The following MRE11 variants were observed in gnomAD, a reference collection of about 807,000 sequenced individuals.
The protein encoded by MRE11 is double-strand break repair protein MRE11.
In MRE11, 62 loss-of-function variants were observed where a neutral mutation model predicts 91.7. The observed-to-expected ratio is 0.68, with a 90% CI of 0.55 to 0.84. MRE11 has a LOEUF of 0.84. Among genes scored for constraint, MRE11 ranks in the 40% least tolerant of loss-of-function variants. The pLI is 0.00. For synonymous variants in MRE11, 273 were observed against 271.4 expected, an observed-to-expected ratio of 1.01 and a Z score of -0.06; for missense variants, 796 against 852.9, an observed-to-expected ratio of 0.93 and a Z score of 0.83.
the MRE11 span, among the ~76,000 whole-genome samples, chr11:94,509,298 T>C: frequency 6.6e-6 from 1 of 152,216 alleles, no homozygotes; most frequent in Non-Finnish European, 1.5e-5. Flanking sequence ...CTCTCAATGC[T>C]GTTATAAATG....
At chr11:94,444,253 A>G (rs1945865741) in intron 16 of MRE11, among the ~76,000 whole-genome samples, 2 of 152,090 alleles carry the variant, frequency 1.3e-5, no homozygotes, top group Non-Finnish European at 1.5e-5. Flanking sequence ...ATGATCATAT[A>G]TAGTTGACAG....
At chr11:94,460,909 T>C (rs1192532339) in intron 12 of MRE11, 27 bp downstream of exon 12, 1 of 1,562,436 alleles carries the variant, frequency 6.4e-7, no homozygotes. Context: ...GTAGCCATTA[T>C]TCAAAATGTG....
chr11:94,476,543 A>G (rs760861044), intron 6 of MRE11, 140 bp from the exon 7 acceptor site: 11 of 644,270 alleles, frequency 1.7e-5, no homozygotes, highest in Non-Finnish European at 2.4e-5. Context: ...GGAATAATTT[A>G]TAAGTGGGTA....
chr11:94,422,584 A>G (rs1011321980), intron 19 of MRE11, among the ~76,000 whole-genome samples: 1 of 152,196 alleles, frequency 6.6e-6, no homozygotes, highest in Non-Finnish European at 1.5e-5. Context: ...GCAAATAAGA[A>G]CTGAGTGAAT....
intron 15 of MRE11, among the ~76,000 whole-genome samples, chr11:94,446,811 A>C (rs1229831756): frequency 2.0e-5 from 3 of 152,224 alleles, no homozygotes; most frequent in Non-Finnish European, 2.9e-5. Flanking sequence ...ATCTTATGAC[A>C]GTAACAAAAA....
chr11:94,471,811 T>TTA, intron 7 of MRE11, 52 bp from the exon 8 acceptor site: 1 of 1,395,494 alleles, frequency 7.2e-7, no homozygotes, highest in African/African-American at 1.4e-5. Flanking sequence ...AAATTTCATA[T>TTA]TATTGAAGTC....
At chr11:94,505,566 TA>T in the MRE11 span, among the ~76,000 whole-genome samples, 1 of 152,238 alleles carries the variant, frequency 6.6e-6, no homozygotes, top group Non-Finnish European at 1.5e-5. Context: ...TTACAAGATT[TA>T]AAATGTTTTT....
At position 94,478,845 on chromosome 11, in the gene MRE11, C is replaced by A. The variant is rs771615477; in HGVS notation, c.434G>T (p.Ser145Ile). Reference sequence around the variant, plus strand: ...AAAGTGATTTACAAATCCAGCACAACTTAAAATGTCCAAGGCACAAAGTGC... The same window carrying A: ...AAAGTGATTTACAAATCCAGCACAAATTAAAATGTCCAAGGCACAAAGTGC... Reference protein sequence around the residue: ...ADALCALDILSCAGFVNHFGR... With the variant: ...ADALCALDILICAGFVNHFGR... The change falls in exon 6 of 20, where the codon AGT becomes ATT. Residue 145 changes from serine to isoleucine, a missense_variant. Transcript: ENST00000323929. 2.5e-6 allele frequency: 4 copies of A among 1,613,824 alleles called. No homozygotes were observed. In the South Asian group the frequency reaches 4.4e-5, roughly 18 times the overall value.
intron 19 of MRE11, among the ~76,000 whole-genome samples, chr11:94,424,728 C>T (rs1426761524): frequency 1.3e-5 from 2 of 151,918 alleles, no homozygotes; most frequent in African/African-American, 2.4e-5. Flanking sequence ...ACATAACAGA[C>T]CAAACTGAGG....
Position 94,470,639 on chromosome 11 carries a change from A to G in MRE11, c.849T>C (p.His283=), listed in dbSNP as rs765215509. Residue 283 remains histidine, a synonymous_variant, in exon 9 of 20, where the codon CAT becomes CAC. Coordinates refer to ENST00000323929, the MANE Select transcript of MRE11 (RefSeq NM_005591.4). ...TCCCTTTAATACGCAGCAAACCAAC[A>G]TGTCTGAAGTGGAGAGAAATGAACA... ...SLSPGEAVKK[H]VGLLRIKGRK... 2 of 1,612,758 alleles carry G rather than the reference A, an allele frequency of 1.2e-6. No homozygotes were observed. Among genetic ancestry groups the G allele is most frequent in the Non-Finnish European group, 1.7e-6 (2 of 1,179,128 alleles).
chr11:94,483,394 T>G (rs1293473511), intron 4 of MRE11, among the ~76,000 whole-genome samples: 3 of 152,144 alleles, frequency 2.0e-5, no homozygotes, highest in African/African-American at 7.2e-5. Context: ...CTCCCATAAT[T>G]CCCACGTGTT....
rs2134723379 is a variant in MRE11 at position 94,418,150 on chromosome 11, A to C, written c.*1975T>G. On this transcript the variant is annotated 3_prime_UTR_variant, in exon 20 of 20. Transcript: ENST00000323929. ...TAAAACCAACAGATTTTGCAGGATC[A>C]ATATAAAATATTAAGGATATATAGC... The C allele has an allele frequency of 4.3e-6, 1 of 233,118 alleles. No individual in the cohort carries two copies. The highest frequency in any genetic ancestry group is 6.1e-5 in the East Asian group (1 of 16,502). 14.4% of individuals were successfully genotyped at this position (233,118 alleles called of 1,614,324 possible).
intron 4 of MRE11, among the ~76,000 whole-genome samples, chr11:94,480,362 A>G (rs1415694393): frequency 1.3e-5 from 2 of 152,224 alleles, no homozygotes; most frequent in Admixed American, 6.5e-5. Flanking sequence ...ATCACTCAAC[A>G]TATTTTAGAA....
chr11:94,482,358 C>G (rs1052920460), intron 4 of MRE11, among the ~76,000 whole-genome samples: 1 of 152,182 alleles, frequency 6.6e-6, no homozygotes, highest in Non-Finnish European at 1.5e-5. Flanking sequence ...TATACCGGAA[C>G]CCATGCTCTT....
intron 14 of MRE11, among the ~76,000 whole-genome samples, chr11:94,450,080 A>G (rs1482739477): frequency 6.6e-6 from 1 of 152,236 alleles, no homozygotes; most frequent in Non-Finnish European, 1.5e-5. Context: ...GAAAAAATGT[A>G]TATTAGATAA....
chr11:94,497,363 C>G (rs893349164), upstream of MRE11: 2 of 278,228 alleles, frequency 7.2e-6, no homozygotes, highest in Non-Finnish European at 1.3e-5. Context: ...ATTAATTTGC[C>G]CAGGATCATC....
At chr11:94,482,083 G>A (rs933304908) in intron 4 of MRE11, among the ~76,000 whole-genome samples, 1 of 152,154 alleles carries the variant, frequency 6.6e-6, no homozygotes, top group African/African-American at 2.4e-5. Context: ...TAAAGCCCAC[G>A]CGGAACAAAC....
Position 94,486,205 on chromosome 11 carries a change from AT to A in MRE11, c.154-122del. 5 of 923,480 alleles carry A rather than the reference AT, an allele frequency of 5.4e-6. No individual in the cohort carries two copies. The South Asian group carries it at 6.4e-5, about 12-fold the overall frequency. 57.2% of individuals were successfully genotyped at this position (923,480 alleles called of 1,614,324 possible). A position where few individuals can be genotyped will look rare whatever the true frequency, so the allele number is the denominator to read the frequency against. ...CACTATTATATATGGCAACTTAAAAATTTACATTTTATTTATTCAAAGGGAC... is the reference window on the plus strand; with the variant it reads ...CACTATTATATATGGCAACTTAAAAATTACATTTTATTTATTCAAAGGGAC... On this transcript the variant is annotated intron_variant, in intron 3 of 19. Transcript: ENST00000323929.
rs1403859030 is a variant in MRE11 at position 94,419,505 on chromosome 11, A to C, written c.*620T>G. 1 of 229,596 alleles carries C rather than the reference A, an allele frequency of 4.4e-6. No homozygotes were observed. Among genetic ancestry groups the C allele is most frequent in the African/African-American group, 2.2e-5 (1 of 44,528 alleles). The allele number at this position is 229,596 out of a possible 1,614,324, so 14.2% of individuals were successfully genotyped here. On this transcript the variant is annotated 3_prime_UTR_variant, in exon 20 of 20. Transcript: ENST00000323929. ...GAGAGAGAGAGAGAGAACACCATTA[A>C]GGATACAGAATAATAAAGGAAATTA...
Sources: gnomAD v4.1 joint callset for allele counts (sites outside exome capture counted in the v4.1 genomes callset) on GRCh38, gnomAD v4.1.1 for gene constraint, MANE v1.5 for transcripts, NCBI Gene and HGNC (gene_info 2026-07-23, HGNC 2026-07-21) for gene names.